Variants in AOPEP observed in about 807,000 individuals in gnomAD.
AOPEP encodes the protein aminopeptidase O.
In AOPEP, 77 loss-of-function variants were observed where a neutral mutation model predicts 98.1. The observed-to-expected ratio is 0.78, with a 90% confidence interval of 0.65 to 0.95. The LOEUF (loss-of-function observed/expected upper bound fraction) is 0.95. Among genes scored for constraint, AOPEP ranks in the 40% least tolerant of loss-of-function variants. AOPEP has a pLI of 0.00. For synonymous variants in AOPEP, 346 were observed against 365.3 expected, an observed-to-expected ratio of 0.95 and a Z score of 0.60; for missense variants, 1,024 against 1,024.7, an observed-to-expected ratio of 1.00 and a Z score of 0.01.
Position 95,042,055 on chromosome 9 carries a change from G to A in AOPEP, c.2116-18639G>A, listed in dbSNP as rs1477144167. Among the ~76,000 whole-genome samples the A allele has an allele frequency of 3.9e-5, 6 of 152,340 alleles. No homozygotes were observed. The East Asian group carries it at 7.7e-4, about 20-fold the overall frequency. ...TGGCCAGGCGCGGTGGCTCATGCCT[G>A]TAATCCCAGCACTTTGGGAGGCCGA... On this transcript the variant is annotated intron_variant, in intron 13 of 16. Transcript: ENST00000375315.
chr9:94,741,672 A>G (rs903336577), intron 1 of AOPEP, among the ~76,000 whole-genome samples: 5 of 151,844 alleles, frequency 3.3e-5, no homozygotes, highest in Non-Finnish European at 5.9e-5. Flanking sequence ...AGACTTGGAC[A>G]GGTTATATAA....
chr9:94,974,499 G>A (rs1030730637), intron 10 of AOPEP, among the ~76,000 whole-genome samples: 2 of 152,204 alleles, frequency 1.3e-5, no homozygotes, highest in East Asian at 1.9e-4. Context: ...GAAAACACAC[G>A]TTCTCTTCAT....
chr9:94,836,623 C>T (rs543621254), intron 5 of AOPEP, among the ~76,000 whole-genome samples: 41 of 152,234 alleles, frequency 2.7e-4, no homozygotes, highest in African/African-American at 9.6e-4. Flanking sequence ...GTATGATTTG[C>T]AAATATTTTC....
At chr9:94,794,266 A>G (rs976366146) in intron 4 of AOPEP, among the ~76,000 whole-genome samples, 2 of 152,244 alleles carry the variant, frequency 1.3e-5, no homozygotes, top group Non-Finnish European at 1.5e-5. Context: ...TGCACAGCAC[A>G]TGCATCATGC....
chr9:94,817,782 A>G (rs184075419), intron 5 of AOPEP, among the ~76,000 whole-genome samples: 4 of 152,328 alleles, frequency 2.6e-5, no homozygotes, highest in Admixed American at 6.5e-5. Context: ...TAAGATGCCT[A>G]TCTTGCTGGG....
rs140401903 is a variant in AOPEP at position 94,797,118 on chromosome 9, T to A, written c.1119-3639T>A. ...CATCTTTGAGTCGGTGCTGAATCTA[T>A]GGAAGACTATTACTTTGTAAAAAGC... is the stretch of plus-strand genomic sequence containing the variant. On this transcript the variant is annotated intron_variant, in intron 4 of 16. Transcript: ENST00000375315. Among the ~76,000 whole-genome samples, 127 of 152,314 alleles carry A rather than the reference T, an allele frequency of 8.3e-4. 3 individuals carry two copies. The East Asian group carries it at 0.024, about 29-fold the overall frequency.
chr9:94,808,837 C>T (rs1849832364), intron 5 of AOPEP, among the ~76,000 whole-genome samples: 1 of 152,260 alleles, frequency 6.6e-6, no homozygotes, highest in African/African-American at 2.4e-5. Context: ...TGGAGCCCAC[C>T]TTGCTAAGTT....
intron 5 of AOPEP, among the ~76,000 whole-genome samples, chr9:94,826,334 C>A (rs768178387): frequency 6.6e-6 from 1 of 152,186 alleles, no homozygotes; most frequent in South Asian, 2.1e-4. Flanking sequence ...TCCTCTTCCC[C>A]GCAGCCCTGT....
intron 13 of AOPEP, among the ~76,000 whole-genome samples, chr9:95,008,620 G>C (rs770369594): frequency 5.9e-5 from 9 of 152,108 alleles, no homozygotes. Context: ...TTAAAATAAC[G>C]AATAGTGAAA....
intron 1 of AOPEP, among the ~76,000 whole-genome samples, chr9:94,738,842 G>A (rs1832400255): frequency 6.6e-6 from 1 of 152,226 alleles, no homozygotes; most frequent in African/African-American, 2.4e-5. Context: ...CCAAAGTGCT[G>A]GGATTACAGG....
chr9:94,845,971 T>C (rs1300679728), intron 5 of AOPEP, among the ~76,000 whole-genome samples: 2 of 151,978 alleles, frequency 1.3e-5, no homozygotes, highest in Non-Finnish European at 2.9e-5. Context: ...GTCGGGTGCC[T>C]GTAACCCCAG....
At chr9:94,991,129 C>G (rs1160780428) in intron 11 of AOPEP, among the ~76,000 whole-genome samples, 1 of 152,206 alleles carries the variant, frequency 6.6e-6, no homozygotes, top group African/African-American at 2.4e-5. Flanking sequence ...CCCACTGTGG[C>G]CCTGCACAAT....
the AOPEP span, among the ~76,000 whole-genome samples, chr9:95,116,121 T>G: frequency 1.3e-5 from 2 of 152,260 alleles, no homozygotes; most frequent in African/African-American, 4.8e-5. Context: ...GTTGGGCCCA[T>G]GCCCATGCAC....
chr9:95,109,838 A>C, the AOPEP span: 6 of 152,346 alleles, frequency 3.9e-5, no homozygotes, highest in East Asian at 1.2e-3. Flanking sequence ...CACAGTTCAC[A>C]GTTTGTCTCT....
chr9:95,056,690 C>T (rs925640301), intron 13 of AOPEP, among the ~76,000 whole-genome samples: 6 of 152,176 alleles, frequency 3.9e-5, no homozygotes, highest in African/African-American at 1.2e-4. Flanking sequence ...CAAAGTCGTA[C>T]AGCTTGCGTC....
intron 5 of AOPEP, among the ~76,000 whole-genome samples, chr9:94,805,009 T>G (rs572010794): frequency 1.3e-5 from 2 of 152,282 alleles, no homozygotes; most frequent in South Asian, 4.1e-4. Flanking sequence ...AGGAGTAGAA[T>G]GAAGGCCAGG....
chr9:94,929,793 G>A (rs1029895323), intron 7 of AOPEP, among the ~76,000 whole-genome samples: 2 of 152,278 alleles, frequency 1.3e-5, no homozygotes, highest in Admixed American at 1.3e-4. Flanking sequence ...GCAGCACTGT[G>A]AGCAGACTGC....
intron 13 of AOPEP, among the ~76,000 whole-genome samples, chr9:95,046,257 T>A (rs2065859596): frequency 6.6e-6 from 1 of 152,252 alleles, no homozygotes; most frequent in East Asian, 1.9e-4. Flanking sequence ...TCTCTACCTT[T>A]TAGTTGAAAG....
At chr9:94,729,074 TGAATATCTA>T (rs1450817348) in intron 1 of AOPEP, among the ~76,000 whole-genome samples, 5 of 152,236 alleles carry the variant, frequency 3.3e-5, no homozygotes, top group African/African-American at 4.8e-5. Context: ...TTGGAGTCTA[TGAATATCTA>T]GAGTCAGATA....
Sources: gnomAD v4.1 joint callset for allele counts (sites outside exome capture counted in the v4.1 genomes callset) on GRCh38, gnomAD v4.1.1 for gene constraint, MANE v1.5 for transcripts, NCBI Gene and HGNC (gene_info 2026-07-23, HGNC 2026-07-21) for gene names.